The following PDE10A variants were observed in gnomAD, a reference collection of about 807,000 sequenced individuals.
The protein encoded by PDE10A is cAMP and cAMP-inhibited cGMP 3',5'-cyclic phosphodiesterase 10A.
A neutral mutation model predicts 97.7 loss-of-function variants in PDE10A; 39 were observed. The ratio of observed to expected loss-of-function variants is 0.40; its 90% CI spans 0.31 to 0.52. The LOEUF (loss-of-function observed/expected upper bound fraction) is 0.52, where lower values mean the gene tolerates loss of function less well. PDE10A is among the 20% of genes least tolerant of loss of function. The pLI, the probability that PDE10A is intolerant of heterozygous loss-of-function variation, is 0.56. For missense variants in PDE10A, 731 were observed against 1,047.8 expected, an observed-to-expected ratio of 0.70 and a Z score of 4.17; for synonymous variants, 371 against 376.8, an observed-to-expected ratio of 0.98 and a Z score of 0.18.
rs570782553 is a variant in PDE10A at position 165,961,514 on chromosome 6, A to C, written c.-615+26015T>G. On this transcript the variant is annotated intron_variant, in intron 1 of 19. Coordinates refer to the PDE10A transcript ENST00000366882. ...GCCGGATCACTGCTGGTTACCCACG[A>C]GATGAAAATGCTTTACCCATGACGT... Among the ~76,000 whole-genome samples, 41 of 152,332 alleles carry C rather than the reference A, an allele frequency of 2.7e-4. No homozygotes were observed. In the South Asian group the frequency reaches 4.6e-3, roughly 17 times the overall value.
intron 1 of PDE10A, among the ~76,000 whole-genome samples, chr6:165,917,950 G>A (rs530027917): frequency 3.2e-4 from 49 of 152,318 alleles, no homozygotes; most frequent in African/African-American, 8.9e-4. Flanking sequence ...AGCCACTGGC[G>A]CGCTGTCTTA....
At chr6:165,438,789 C>T (rs1356558695) in intron 5 of PDE10A, among the ~76,000 whole-genome samples, 1 of 151,596 alleles carries the variant, frequency 6.6e-6, no homozygotes, top group Non-Finnish European at 1.5e-5. Context: ...GAGATCTGAC[C>T]TCTACAAAAA....
intron 1 of PDE10A, among the ~76,000 whole-genome samples, chr6:165,825,157 A>G (rs558183239): frequency 4.9e-5 from 4 of 80,808 alleles, no homozygotes; most frequent in African/African-American, 7.8e-5. Context: ...AAAAAAAAAA[A>G]AAAAAGAAAA....
intron 1 of PDE10A, among the ~76,000 whole-genome samples, chr6:165,883,645 C>T (rs1482984235): frequency 6.6e-6 from 1 of 152,074 alleles, no homozygotes; most frequent in East Asian, 1.9e-4. Flanking sequence ...GGCAGGAAGG[C>T]TGGCTGAGGG....
chr6:165,608,078 ATATGTATATATATG>A, intron 1 of PDE10A, among the ~76,000 whole-genome samples: 1 of 136,414 alleles, frequency 7.3e-6, no homozygotes, highest in African/African-American at 3.4e-5. Flanking sequence ...ATATATGTAT[ATATGTATATATATG>A]TGCATATATA....
At chr6:165,788,518 C>CAAAAAAA (rs56927613) in intron 1 of PDE10A, among the ~76,000 whole-genome samples, 61 of 74,538 alleles carry the variant, frequency 8.2e-4, no homozygotes, top group African/African-American at 1.4e-3. Context: ...AACTCTGTCT[C>CAAAAAAA]AAAAAAAAAA....
chr6:165,839,815 T>A (rs1780173306), intron 1 of PDE10A, among the ~76,000 whole-genome samples: 1 of 43,120 alleles, frequency 2.3e-5, no homozygotes, highest in Non-Finnish European at 4.7e-5. Context: ...TCCAGCTCCA[T>A]CCCCATCTCC....
intron 1 of PDE10A, chr6:165,576,355 T>C: frequency 1.3e-6 from 1 of 778,784 alleles, no homozygotes; most frequent in East Asian, 2.4e-5. Context: ...GTTTGCTTCC[T>C]GTCTATCTGA....
At chr6:165,871,763 G>A (rs1029507962) in intron 1 of PDE10A, among the ~76,000 whole-genome samples, 2 of 152,188 alleles carry the variant, frequency 1.3e-5, no homozygotes, top group Admixed American at 6.5e-5. Context: ...CAGGGGTGAC[G>A]ACTGAGGGTG....
chr6:165,963,652 G>A (rs941139120), intron 1 of PDE10A, among the ~76,000 whole-genome samples: 3 of 152,210 alleles, frequency 2.0e-5, no homozygotes, highest in African/African-American at 7.2e-5. Context: ...GAGAGGGTGG[G>A]TGACCGGAGG....
At chr6:165,336,458 A>T (rs528910755) in intron 20 of PDE10A, among the ~76,000 whole-genome samples, 1 of 152,214 alleles carries the variant, frequency 6.6e-6, no homozygotes, top group Non-Finnish European at 1.5e-5. Flanking sequence ...GTTAATACCT[A>T]CTGAAATCTG....
Position 165,671,129 on chromosome 6 carries a change from G to T in PDE10A, c.-614-127561C>A, listed in dbSNP as rs971724841. ...TAGAATCACCCTTTTTGGGTAAAAC[G>T]TTCACTAATTTTTTTTTTTTTAAGA... On this transcript the variant is annotated intron_variant, in intron 1 of 19. Coordinates refer to the PDE10A transcript ENST00000366882. The surrounding 1 kb of genome is among the most constrained non-coding windows in gnomAD (Gnocchi z 4.6). 4.5e-5 allele frequency among the ~76,000 whole-genome samples: 6 copies of T among 133,094 alleles called. No homozygotes were observed. The highest frequency in any genetic ancestry group is 4.9e-5 in the Non-Finnish European group (3 of 60,770). 87.3% of individuals were successfully genotyped at this position (133,094 alleles called of 152,430 possible).
chr6:165,918,509 C>T (rs1200079251), intron 1 of PDE10A, among the ~76,000 whole-genome samples: 1 of 152,208 alleles, frequency 6.6e-6, no homozygotes, highest in Non-Finnish European at 1.5e-5. Flanking sequence ...ATTATTTAAG[C>T]AGCCAATCGT....
At chr6:165,638,406 G>C (rs901717368) in intron 1 of PDE10A, among the ~76,000 whole-genome samples, 2 of 114,560 alleles carry the variant, frequency 1.7e-5, no homozygotes, top group Non-Finnish European at 4.5e-5. Flanking sequence ...GAGGGTGGAA[G>C]GAGTCGTTTT....
intron 1 of PDE10A, among the ~76,000 whole-genome samples, chr6:165,715,029 G>A (rs1220169574): frequency 6.6e-6 from 1 of 152,262 alleles, no homozygotes; most frequent in Non-Finnish European, 1.5e-5. Flanking sequence ...CAGGGCAGGA[G>A]TGCCTGGGCA....
At chr6:165,818,959 C>T (rs1779493191) in intron 1 of PDE10A, among the ~76,000 whole-genome samples, 1 of 152,148 alleles carries the variant, frequency 6.6e-6, no homozygotes, top group Admixed American at 6.5e-5. Flanking sequence ...ATTTATAGGT[C>T]TAAAATATCA....
chr6:165,348,129 G>C (rs995839553), intron 18 of PDE10A, among the ~76,000 whole-genome samples: 1 of 152,156 alleles, frequency 6.6e-6, no homozygotes, highest in Non-Finnish European at 1.5e-5. Flanking sequence ...CTGGGACTAA[G>C]AGAATAAACA....
intron 1 of PDE10A, among the ~76,000 whole-genome samples, chr6:165,821,136 T>C (rs1056012476): frequency 3.4e-4 from 52 of 152,248 alleles, no homozygotes; most frequent in Non-Finnish European, 1.0e-4. Flanking sequence ...GGCTGCCACC[T>C]GCTCAATTGG....
intron 18 of PDE10A, among the ~76,000 whole-genome samples, chr6:165,375,736 T>C (rs1169193185): frequency 6.6e-6 from 1 of 152,218 alleles, no homozygotes; most frequent in Non-Finnish European, 1.5e-5. Flanking sequence ...CAGGGGCTAA[T>C]GTAGCTGGTG....
Sources: allele counts gnomAD v4.1 joint callset (sites outside exome capture counted in the v4.1 genomes callset), GRCh38; gene constraint gnomAD v4.1.1; non-coding constraint Gnocchi (gnomAD v3.1); transcripts MANE v1.5; gene names NCBI Gene and HGNC (gene_info 2026-07-23, HGNC 2026-07-21).